Variants in CIROZ observed in about 807,000 individuals in gnomAD.
CIROZ encodes the protein ciliated left-right organizer ZP-N domains-containing protein.
the CIROZ span, among the ~76,000 whole-genome samples, chr1:10,978,829 A>G: frequency 6.6e-6 from 1 of 152,160 alleles, no homozygotes; most frequent in Non-Finnish European, 1.5e-5. Flanking sequence ...TAAGGACTCA[A>G]AAGAAGGTCA....
the CIROZ span, chr1:10,966,283 C>T: frequency 2.1e-6 from 3 of 1,428,954 alleles, no homozygotes; most frequent in Admixed American, 8.2e-5. Flanking sequence ...TGTCTCCTTA[C>T]TTGATATCTG....
At chr1:10,961,301 C>T in the CIROZ span, among the ~76,000 whole-genome samples, 2 of 152,086 alleles carry the variant, frequency 1.3e-5, no homozygotes, top group African/African-American at 2.4e-5. Flanking sequence ...GGGCCGGCCC[C>T]GCAATTCTTA....
At chr1:10,959,539 G>T in the CIROZ span, among the ~76,000 whole-genome samples, 2 of 152,200 alleles carry the variant, frequency 1.3e-5, no homozygotes, top group African/African-American at 2.4e-5. The surrounding 1 kb of genome is among the most constrained non-coding windows in gnomAD (Gnocchi z 4.3). Flanking sequence ...GGCCAGGGAG[G>T]TTGTGGCACC....
the CIROZ span, chr1:10,948,639 G>C: frequency 6.2e-7 from 1 of 1,613,762 alleles, no homozygotes; most frequent in East Asian, 2.2e-5. Flanking sequence ...TGGCAAGACT[G>C]GACGTGGCCG....
At chr1:10,948,899 G>C in the CIROZ span, 1 of 1,432,892 alleles carries the variant, frequency 7.0e-7, no homozygotes, top group Non-Finnish European at 9.2e-7. Flanking sequence ...GAACACATGG[G>C]CTCCGGCTGC....
the CIROZ span, among the ~76,000 whole-genome samples, chr1:10,964,595 T>A: frequency 2.6e-5 from 4 of 152,342 alleles, no homozygotes; most frequent in South Asian, 8.3e-4. Flanking sequence ...GTTCACACTT[T>A]ATCTCCTTTG....
At chr1:10,971,624 C>G in the CIROZ span, among the ~76,000 whole-genome samples, 1 of 152,112 alleles carries the variant, frequency 6.6e-6, no homozygotes, top group Non-Finnish European at 1.5e-5. Flanking sequence ...CATTCTCTAC[C>G]CTGGTCCTGT....
chr1:10,976,396 C>T, the CIROZ span: 16 of 628,138 alleles, frequency 2.5e-5, no homozygotes, highest in East Asian at 8.5e-5. Flanking sequence ...AGTGCAGTGG[C>T]GCGATCTAAG....
the CIROZ span, chr1:10,976,352 C>G: frequency 1.3e-6 from 1 of 751,424 alleles, no homozygotes. Context: ...TTTTTTTTTT[C>G]TGAGACGGAG....
the CIROZ span, among the ~76,000 whole-genome samples, chr1:10,978,330 T>C: frequency 6.6e-6 from 1 of 150,644 alleles, no homozygotes; most frequent in Non-Finnish European, 1.5e-5. Flanking sequence ...ATTACAGGCG[T>C]GAGCCACTGC....
At chr1:10,967,928 C>T in the CIROZ span, among the ~76,000 whole-genome samples, 1 of 152,170 alleles carries the variant, frequency 6.6e-6, no homozygotes, top group South Asian at 2.1e-4. Context: ...GCGCCAAGGT[C>T]GCGCCACTGC....
the CIROZ span, chr1:10,957,490 C>A: frequency 1.4e-6 from 2 of 1,425,344 alleles, no homozygotes; most frequent in South Asian, 1.5e-5. Context: ...AAGGCGCCTG[C>A]CTAAATCTGT....
the CIROZ span, chr1:10,949,601 A>G: frequency 6.3e-7 from 1 of 1,586,918 alleles, no homozygotes; most frequent in South Asian, 1.2e-5. Context: ...AACCATGGGC[A>G]GAGGATGCAG....
At chr1:10,957,816 G>A in the CIROZ span, 360 of 1,539,838 alleles carry the variant, frequency 2.3e-4, no homozygotes, top group Non-Finnish European at 2.8e-4. Flanking sequence ...TAGGGGTTAC[G>A]GAGAGGGGAC....
the CIROZ span, among the ~76,000 whole-genome samples, chr1:10,980,816 G>T: frequency 1.3e-5 from 2 of 152,222 alleles, no homozygotes; most frequent in Non-Finnish European, 2.9e-5. Flanking sequence ...CCCAGTCTGG[G>T]GGGAGACATG....
At chr1:10,979,944 G>A in the CIROZ span, among the ~76,000 whole-genome samples, 2 of 152,194 alleles carry the variant, frequency 1.3e-5, no homozygotes, top group Non-Finnish European at 2.9e-5. Flanking sequence ...CTACTCAGGA[G>A]GCTGAGGCAG....
the CIROZ span, chr1:10,970,130 G>C: frequency 1.4e-6 from 2 of 1,424,884 alleles, no homozygotes; most frequent in Non-Finnish European, 9.4e-7. Context: ...GTGGGGAAGG[G>C]AGGGAGGAAG....
chr1:10,968,983 C>T, the CIROZ span, among the ~76,000 whole-genome samples: 1 of 152,116 alleles, frequency 6.6e-6, no homozygotes, highest in African/African-American at 2.4e-5. Flanking sequence ...TTAATGTATC[C>T]ACAGCTTTTC....
the CIROZ span, chr1:10,976,135 A>G: frequency 3.9e-6 from 6 of 1,532,292 alleles, no homozygotes; most frequent in African/African-American, 1.4e-5. Context: ...GATGCCAACC[A>G]TAAAAGTGTG....
Sources: gnomAD v4.1 joint callset for allele counts (sites outside exome capture counted in the v4.1 genomes callset) on GRCh38, gnomAD v4.1.1 for gene constraint, Gnocchi (gnomAD v3.1) non-coding constraint, MANE v1.5 for transcripts, NCBI Gene and HGNC (gene_info 2026-07-23, HGNC 2026-07-21) for gene names.